Variants in KCNN2 observed in about 807,000 individuals in gnomAD.
KCNN2 encodes the protein small conductance calcium-activated potassium channel protein 2.
A neutral mutation model predicts 55.5 loss-of-function variants in KCNN2; 24 were observed. The observed-to-expected ratio is 0.43, with a 90% confidence interval of 0.31 to 0.61. The LOEUF (loss-of-function observed/expected upper bound fraction) is 0.61. Ranked by LOEUF, KCNN2 falls within the 20% of genes least tolerant of loss-of-function variation. The pLI is 0.08. For missense variants in KCNN2, 754 were observed against 853.6 expected (o/e 0.88, Z 1.45); for synonymous variants, 431 against 336.1 (o/e 1.28, Z -3.09).
intron 2 of KCNN2, among the ~76,000 whole-genome samples, chr5:114,294,295 T>C (rs1016696123): frequency 6.6e-6 from 1 of 152,132 alleles, no homozygotes; most frequent in Non-Finnish European, 1.5e-5. Flanking sequence ...AGGGTGTCAA[T>C]TTTGGATCTT....
At chr5:114,152,379 G>C (rs1752546251) in intron 1 of KCNN2, among the ~76,000 whole-genome samples, 1 of 152,090 alleles carries the variant, frequency 6.6e-6, no homozygotes, top group Non-Finnish European at 1.5e-5. Context: ...TTCCTGTCTT[G>C]TTGAAAATCA....
intron 2 of KCNN2, among the ~76,000 whole-genome samples, chr5:114,395,842 A>G (rs914225539): frequency 1.3e-5 from 2 of 152,002 alleles, no homozygotes; most frequent in African/African-American, 4.8e-5. Flanking sequence ...GACCTTCCAA[A>G]TGCCCTCCGC....
intron 2 of KCNN2, among the ~76,000 whole-genome samples, chr5:114,275,294 T>C (rs1040509253): frequency 6.6e-6 from 1 of 152,206 alleles, no homozygotes; most frequent in African/African-American, 2.4e-5. Context: ...CCTAAAATTC[T>C]CTTTTTTTGT....
At chr5:114,069,442 A>G (rs1750521039) in intron 1 of KCNN2, among the ~76,000 whole-genome samples, 1 of 152,156 alleles carries the variant, frequency 6.6e-6, no homozygotes, top group South Asian at 2.1e-4. Context: ...TTTAGTAAAT[A>G]CTGTTGAAGG....
chr5:114,295,170 A>C (rs563821759), intron 2 of KCNN2, among the ~76,000 whole-genome samples: 1 of 152,328 alleles, frequency 6.6e-6, no homozygotes, highest in Admixed American at 6.5e-5. Context: ...TTGAGGAGGC[A>C]GTCTGCCCAT....
intron 1 of KCNN2, among the ~76,000 whole-genome samples, chr5:114,067,553 T>C (rs1044893647): frequency 6.6e-6 from 1 of 152,258 alleles, no homozygotes; most frequent in Non-Finnish European, 1.5e-5. Context: ...CTAAATTTGG[T>C]ATTTTTATTC....
intron 2 of KCNN2, among the ~76,000 whole-genome samples, chr5:114,391,115 T>G (rs1580782526): frequency 6.6e-6 from 1 of 152,108 alleles, no homozygotes; most frequent in East Asian, 1.9e-4. Context: ...ACGAGAATAC[T>G]TCTTTCAAAA....
At chr5:114,194,713 C>A (rs1753516902) in intron 1 of KCNN2, among the ~76,000 whole-genome samples, 1 of 151,504 alleles carries the variant, frequency 6.6e-6, no homozygotes, top group Admixed American at 6.6e-5. Flanking sequence ...ATGTTTTTTT[C>A]TTGTCACTTG....
intron 1 of KCNN2, among the ~76,000 whole-genome samples, chr5:114,202,731 C>G (rs901907573): frequency 2.0e-5 from 3 of 151,192 alleles, no homozygotes; most frequent in Admixed American, 2.0e-4. Flanking sequence ...GGACTACAGG[C>G]GCCTGCCACC....
chr5:114,388,036 C>T (rs75767823), intron 2 of KCNN2, among the ~76,000 whole-genome samples: 6,533 of 152,232 alleles, frequency 0.043, 158 homozygotes, highest in Middle Eastern at 0.068. Flanking sequence ...TAAATAGAAT[C>T]GTATTTCTAA....
At chr5:114,245,391 T>C (rs1194922265) in intron 2 of KCNN2, among the ~76,000 whole-genome samples, 1 of 152,240 alleles carries the variant, frequency 6.6e-6, no homozygotes, top group Non-Finnish European at 1.5e-5. Context: ...CATTTTATAC[T>C]TCACCAAATG....
intron 1 of KCNN2, among the ~76,000 whole-genome samples, chr5:114,120,835 C>T (rs1357198303): frequency 6.6e-6 from 1 of 152,142 alleles, no homozygotes; most frequent in African/African-American, 2.4e-5. Flanking sequence ...ACACTTAGTT[C>T]CACTATGTAA....
chr5:114,300,637 C>T (rs539836287), intron 2 of KCNN2, among the ~76,000 whole-genome samples: 3 of 152,140 alleles, frequency 2.0e-5, no homozygotes, highest in Non-Finnish European at 4.4e-5. Flanking sequence ...GAGTTGTTCT[C>T]AGTTATTTGC....
chr5:114,151,262 C>G (rs1752518484), intron 1 of KCNN2, among the ~76,000 whole-genome samples: 1 of 152,134 alleles, frequency 6.6e-6, no homozygotes, highest in African/African-American at 2.4e-5. Context: ...AGCTAACCCT[C>G]TCACTCATTT....
At chr5:114,241,783 C>T (rs7717194) in intron 2 of KCNN2, among the ~76,000 whole-genome samples, 1,251 of 4,132 alleles carry the variant, frequency 0.3, 284 homozygotes, top group South Asian at 0.48. Flanking sequence ...TACATATATA[C>T]GTATATATAT....
intron 3 of KCNN2, among the ~76,000 whole-genome samples, chr5:114,445,571 C>A (rs1231550847): frequency 6.6e-6 from 1 of 152,156 alleles, no homozygotes; most frequent in Non-Finnish European, 1.5e-5. Flanking sequence ...AATAGTCACA[C>A]CATTGGAAGC....
chr5:114,373,640 T>TTATATATATATTTATATATATATATA (rs1757833408), intron 2 of KCNN2, among the ~76,000 whole-genome samples: 1 of 56,706 alleles, frequency 1.8e-5, no homozygotes, highest in Non-Finnish European at 3.9e-5. Flanking sequence ...TATGAAGATT[T>TTATATATATATTTATATATATATATA]TATATATATA....
At chr5:114,178,932 T>A (rs1293948175) in intron 1 of KCNN2, among the ~76,000 whole-genome samples, 1 of 152,314 alleles carries the variant, frequency 6.6e-6, no homozygotes, top group South Asian at 2.1e-4. Context: ...CTGTTTGTAG[T>A]TTAAGAGGGA....
chr5:114,351,170 G>A (rs747313960), intron 2 of KCNN2, among the ~76,000 whole-genome samples: 1 of 151,578 alleles, frequency 6.6e-6, no homozygotes, highest in Non-Finnish European at 1.5e-5. Context: ...TTGTACTTTT[G>A]TTGTTACATT....
Sources: allele counts gnomAD v4.1 joint callset (sites outside exome capture counted in the v4.1 genomes callset), GRCh38; gene constraint gnomAD v4.1.1; transcripts MANE v1.5; gene names NCBI Gene and HGNC (gene_info 2026-07-23, HGNC 2026-07-21).